The following ENTPD4 variants were observed in gnomAD, a reference collection of about 807,000 sequenced individuals.
ENTPD4 encodes the protein ectonucleoside triphosphate diphosphohydrolase 4.
In ENTPD4, 60 loss-of-function variants were observed where a neutral mutation model predicts 79.1. The ratio of observed to expected loss-of-function variants is 0.76; its 90% confidence interval spans 0.62 to 0.94. ENTPD4 has a LOEUF of 0.94. ENTPD4 is among the 40% of genes least tolerant of loss of function. The pLI, the probability that ENTPD4 is intolerant of heterozygous loss-of-function variation, is 0.00. For missense variants in ENTPD4, 772 were observed against 775.1 expected, an observed-to-expected ratio of 1.00 and a Z score of 0.05; for synonymous variants, 276 against 292.0, an observed-to-expected ratio of 0.95 and a Z score of 0.56.
intron 11 of ENTPD4, among the ~76,000 whole-genome samples, chr8:23,435,032 T>C (rs1800530604): frequency 6.6e-6 from 1 of 152,150 alleles, no homozygotes; most frequent in African/African-American, 2.4e-5. Flanking sequence ...ATAAATGCAT[T>C]GGCGAGGTAG....
intron 1 of ENTPD4, among the ~76,000 whole-genome samples, chr8:23,453,648 G>A (rs1453777080): frequency 1.3e-5 from 2 of 152,172 alleles, no homozygotes; most frequent in Non-Finnish European, 2.9e-5. Flanking sequence ...GGCTAACAGG[G>A]GAAGGGGAAA....
chr8:23,432,795 G>A lies in ENTPD4; in HGVS notation c.*131C>T. Reference sequence around the variant, plus strand: ...TTACAGGCGTGAGCCACCGCGCTCGGCCTGCATTTTGTTTTTGTTTGGAGG... The same window carrying A: ...TTACAGGCGTGAGCCACCGCGCTCGACCTGCATTTTGTTTTTGTTTGGAGG... On this transcript the variant is annotated 3_prime_UTR_variant, in exon 13 of 13. Transcript: ENST00000358689. 6.9e-7 allele frequency: 1 copy of A among 1,440,310 alleles called. No homozygotes were observed. The highest frequency in any genetic ancestry group is 9.1e-7 in the Non-Finnish European group (1 of 1,100,802). 89.2% of individuals were successfully genotyped at this position (1,440,310 alleles called of 1,614,324 possible).
intron 2 of ENTPD4, among the ~76,000 whole-genome samples, chr8:23,449,498 AC>A (rs1800821765): frequency 6.6e-6 from 1 of 152,198 alleles, no homozygotes. Flanking sequence ...CAGCATTTTA[AC>A]AACATCCCCA....
rs185955111 is a variant in ENTPD4, at chr8:23,454,297, T to C, written c.-98+3260A>G. ...ATTTAAAAAAAACATCAGTGATAGT[T>C]GTGTGATAGCTGAACTGAGAACCAA... On this transcript the variant is annotated intron_variant, in intron 1 of 12. Coordinates refer to ENST00000358689, the MANE Select transcript of ENTPD4 (RefSeq NM_004901.5). Among the ~76,000 whole-genome samples the C allele has an allele frequency of 2.0e-3, 300 of 152,274 alleles. 1 individual carries two copies. Among genetic ancestry groups the C allele is most frequent in the Middle Eastern group, 0.01 (3 of 294 alleles).
Position 23,447,824 on chromosome 8 carries a change from C to T in ENTPD4, c.268G>A (p.Gly90Arg). 11 of 1,614,236 alleles carry T rather than the reference C, an allele frequency of 6.8e-6. No individual in the cohort carries two copies. The highest frequency in any genetic ancestry group is 9.3e-6 in the Non-Finnish European group (11 of 1,180,036). The change falls in exon 4 of 13, where the codon GGG (glycine) becomes AGG (arginine). Residue 90 changes from glycine (G) to arginine (R), a missense_variant. By Grantham distance (125) the Gly-to-Arg change is moderately radical. Transcript: ENST00000358689. ...TDTNNPNVNY[G>R]IVVDCGSSGS... is the part of the protein sequence containing the mutation. ...CTGCTACCACAGTCCACCACGATCC[C>T]ATAGTTCACATTGGGGTTATTGGTG...
chr8:23,447,629 A>T (rs1191606782), intron 4 of ENTPD4, 51 bp downstream of exon 4: 1 of 1,418,464 alleles, frequency 7.0e-7, no homozygotes, highest in Non-Finnish European at 1.0e-6. Context: ...GACGCCACAG[A>T]GAATGAAGGT....
At position 23,429,301 on chromosome 8, in the gene ENTPD4, A is replaced by T; in HGVS notation, c.*3625T>A. On this transcript the variant is annotated 3_prime_UTR_variant, in exon 13 of 13. Transcript: ENST00000358689. ...TACTTTGGATGGAAGACATCGCTTA[A>T]ACAAAAAACATTTAAAGATGCTCCC... The T allele has an allele frequency of 1.0e-6, 1 of 985,468 alleles. No homozygotes were observed. The highest frequency in any genetic ancestry group is 1.2e-6 in the Non-Finnish European group (1 of 829,920). 61.0% of individuals were successfully genotyped at this position (985,468 alleles called of 1,614,324 possible).
At position 23,437,149 on chromosome 8, in the gene ENTPD4, G is replaced by A. The variant is rs1012994702; in HGVS notation, c.1159C>T (p.Arg387Ter). ...IQQNGQTIYL[R>*]GTGDFDLCRE... Reference sequence around the variant, plus strand: ...CACAGGTCAAAGTCTCCAGTCCCTCGTAGGTATATGGTTTGTCCATTTTGC... The same window carrying A: ...CACAGGTCAAAGTCTCCAGTCCCTCATAGGTATATGGTTTGTCCATTTTGC... Residue 387 changes from arginine to a stop codon, truncating the protein, a stop_gained, in exon 10 of 13, where the codon CGA (arginine) becomes TGA (stop). Transcript: ENST00000358689. LOFTEE classifies it high-confidence loss of function. 5.0e-6 allele frequency: 8 copies of A among 1,614,038 alleles called. No individual in the cohort carries two copies. Among genetic ancestry groups the A allele is most frequent in the East Asian group, 2.2e-5 (1 of 44,898 alleles).
intron 9 of ENTPD4, among the ~76,000 whole-genome samples, chr8:23,437,938 G>A (rs1800601183): frequency 6.6e-6 from 1 of 152,184 alleles, no homozygotes; most frequent in Non-Finnish European, 1.5e-5. Context: ...GAATGTCTAA[G>A]GCTTGGCTCT....
At chr8:23,436,591 C>G (rs1036654571) in intron 10 of ENTPD4, among the ~76,000 whole-genome samples, 1 of 152,124 alleles carries the variant, frequency 6.6e-6, no homozygotes, top group Non-Finnish European at 1.5e-5. Flanking sequence ...GCAGAGAGAA[C>G]ACAAGAACAG....
intron 1 of ENTPD4, among the ~76,000 whole-genome samples, chr8:23,456,944 C>A (rs949671420): frequency 6.6e-6 from 1 of 152,322 alleles, no homozygotes. Context: ...TCTGAAAACG[C>A]TCTGCACTAG....
chr8:23,437,352 T>G, intron 9 of ENTPD4, 94 bp from the exon 10 acceptor site: 1 of 924,968 alleles, frequency 1.1e-6, no homozygotes, highest in African/African-American at 1.7e-5. Context: ...ATACGCTCTG[T>G]GGGACATGAG....
rs1389329246 is a variant in ENTPD4, at chr8:23,432,916, G to T, written c.*10C>A. On this transcript the variant is annotated 3_prime_UTR_variant, in exon 13 of 13. Coordinates refer to ENST00000358689, the MANE Select transcript of ENTPD4 (RefSeq NM_004901.5). ...TTTCCTTTTGAGTCTTCGTGGAGCT[G>T]TGAGCTGGATCACAAGGTCCCCGGG... The T allele has an allele frequency of 6.3e-7, 1 of 1,579,446 alleles. No individual in the cohort carries two copies. The highest frequency in any genetic ancestry group is 8.6e-7 in the Non-Finnish European group (1 of 1,160,992).
rs1232968466 is a variant in ENTPD4, at chr8:23,441,605, T to G, written c.846A>C (p.Glu282Asp). 11 of 1,614,120 alleles carry G rather than the reference T, an allele frequency of 6.8e-6. No individual in the cohort carries two copies. The highest frequency in any genetic ancestry group is 7.6e-6 in the Non-Finnish European group (9 of 1,180,052). ...MGGVSTQIAY[E>D]VPKTVSFASS... is the part of the protein sequence containing the mutation. ...ACGCAAAGCTTACAGTTTTGGGGAC[T>G]TCGTACGCTATCTGAGTCGACACGC... The change falls in exon 8 of 13, where the codon GAA becomes GAC. Residue 282 changes from glutamate (E) to aspartate (D), a missense_variant. Transcript: ENST00000358689.
In ENTPD4 at chr8:23,431,285, T is replaced by C. The variant is rs1800449583; in HGVS notation, c.*1641A>G. 1.1e-6 allele frequency: 1 copy of C among 934,034 alleles called. No homozygotes were observed. Among genetic ancestry groups the C allele is most frequent in the Non-Finnish European group, 1.3e-6 (1 of 783,368 alleles). The allele number at this position is 934,034 out of a possible 1,614,324, so 57.9% of individuals were successfully genotyped here. A position where few individuals can be genotyped will look rare whatever the true frequency, so the allele number is the denominator to read the frequency against. ...GCCACTTTTATAATATCCTCAGTTA[T>C]CTGTTATAGCAACAACCCCACTTCT... On this transcript the variant is annotated 3_prime_UTR_variant, in exon 13 of 13. Transcript: ENST00000358689.
At chr8:23,434,165 A>AAGACC in intron 12 of ENTPD4, 152 bp downstream of exon 12, 1 of 1,007,106 alleles carries the variant, frequency 9.9e-7, no homozygotes, top group East Asian at 2.4e-5. Context: ...GGGAGGGGGC[A>AAGACC]AGACCAAAAG....
chr8:23,451,713 C>G (rs1450030704), intron 1 of ENTPD4, among the ~76,000 whole-genome samples: 2 of 152,164 alleles, frequency 1.3e-5, no homozygotes, highest in Non-Finnish European at 2.9e-5. Flanking sequence ...TTCAAAAATG[C>G]CAGGCACTCT....
rs759760405 is a variant in ENTPD4, at chr8:23,444,626, T to C, written c.413-20A>G. 4 of 1,610,394 alleles carry C rather than the reference T, an allele frequency of 2.5e-6. No individual in the cohort carries two copies. Among genetic ancestry groups the C allele is most frequent in the East Asian group, 2.2e-5 (1 of 44,866 alleles). On this transcript the variant is annotated intron_variant, in intron 4 of 12. Coordinates refer to ENST00000358689, the MANE Select transcript of ENTPD4 (RefSeq NM_004901.5). ...AAATGCCTAGAGAAACAGGATACTT[T>C]AGTTAAGAAGCAGATATTTTAGCTA...
rs1482239334 is a variant in ENTPD4 at position 23,432,886 on chromosome 8, T to C, written c.*40A>G. The stretch of plus-strand genomic sequence containing the variant: ...AAGAGGAGAAACCCTGAGGCAAAAA[T>C]GGCTTTTCCTTTTGAGTCTTCGTGG... On this transcript the variant is annotated 3_prime_UTR_variant, in exon 13 of 13. Transcript: ENST00000358689. The C allele has an allele frequency of 6.6e-7, 1 of 1,507,390 alleles. No homozygotes were observed. The highest frequency in any genetic ancestry group is 1.3e-5 in the South Asian group (1 of 79,104). The allele number at this position is 1,507,390 out of a possible 1,614,324, so 93.4% of individuals were successfully genotyped here.
Sources: gnomAD v4.1 joint callset for allele counts (sites outside exome capture counted in the v4.1 genomes callset) on GRCh38, gnomAD v4.1.1 for gene constraint, MANE v1.5 for transcripts, NCBI Gene and HGNC (gene_info 2026-07-23, HGNC 2026-07-21) for gene names.